The following TUBGCP5 variants were observed in gnomAD, a reference collection of about 807,000 sequenced individuals.
TUBGCP5 encodes the protein gamma-tubulin complex component 5.
TUBGCP5 carries 98 observed loss-of-function variants against 134.7 expected under a neutral mutation model. That is an observed-to-expected ratio of 0.73 (90% CI 0.62 to 0.86). TUBGCP5 has a LOEUF of 0.86. Among genes scored for constraint, TUBGCP5 ranks in the 40% least tolerant of loss-of-function variants. The probability of loss-of-function intolerance (pLI) is 0.00; values close to 1 mark genes in which losing one functional copy is unlikely to be tolerated. For missense variants in TUBGCP5, 1,150 were observed against 1,244.8 expected, an observed-to-expected ratio of 0.92 and a Z score of 1.15; for synonymous variants, 456 against 431.4, an observed-to-expected ratio of 1.06 and a Z score of -0.71.
At chr15:23,024,927 T>C (rs1263260713) in intron 8 of TUBGCP5, 97 bp from the exon 9 acceptor site, 20 of 703,378 alleles carry the variant, frequency 2.8e-5, no homozygotes, top group Non-Finnish European at 4.2e-5. Context: ...TGACAGGGAC[T>C]CACTTTGTCA....
At chr15:23,002,836 A>G (rs2064468700) in intron 21 of TUBGCP5, among the ~76,000 whole-genome samples, 1 of 152,124 alleles carries the variant, frequency 6.6e-6, no homozygotes, top group South Asian at 2.1e-4. Flanking sequence ...TTTAAATCAG[A>G]AGACCTCAGA....
Position 23,008,806 on chromosome 15 carries a change from C to T in TUBGCP5, c.2220G>A (p.Thr740=), listed in dbSNP as rs773176710. Residue 740 remains threonine, a synonymous_variant, in exon 16 of 23, where the codon ACG becomes ACA. Transcript: ENST00000615383. ...TTTCTCTTATTTTATCAAAAATTGA[C>T]GTGTAGAAGTCATACATGGTATCTC... ...EGGDTMYDFY[T]SIFDKIREKE... 8.1e-6 allele frequency: 13 copies of T among 1,600,596 alleles called. No homozygotes were observed. The highest frequency in any genetic ancestry group is 7.2e-5 in the Admixed American group (4 of 55,638).
At chr15:22,987,336 C>CA (rs34835716) in intron 23 of TUBGCP5, among the ~76,000 whole-genome samples, 1,311 of 125,418 alleles carry the variant, frequency 0.01, 9 homozygotes, top group Non-Finnish European at 0.014. Context: ...AACTCCATCT[C>CA]AAAAAAAAAA....
rs1053094490 is a variant in TUBGCP5, at chr15:23,013,756, G to A, written c.1757-2425C>T. On this transcript the variant is annotated intron_variant, in intron 13 of 22. Transcript: ENST00000615383. The surrounding 1 kb of genome is among the most constrained non-coding windows in gnomAD (Gnocchi z 4.5). The stretch of plus-strand genomic sequence containing the variant: ...CGCAGCTGCCTTGCCCCGGGTTAGG[G>A]GCACAAGGTGTGCCTTCCCCACCCA... 6.6e-6 allele frequency among the ~76,000 whole-genome samples: 1 copy of A among 152,162 alleles called. No individual in the cohort carries two copies. Among genetic ancestry groups the A allele is most frequent in the Admixed American group, 6.5e-5 (1 of 15,288 alleles).
intron 6 of TUBGCP5, among the ~76,000 whole-genome samples, chr15:23,028,420 C>T (rs1314326147): frequency 3.4e-5 from 5 of 147,132 alleles, no homozygotes; most frequent in African/African-American, 1.0e-4. Context: ...AAATTGAATC[C>T]GATCTAAAAA....
intron 10 of TUBGCP5, among the ~76,000 whole-genome samples, chr15:23,022,405 ATGAG>A (rs1404156515): frequency 2.6e-5 from 4 of 152,210 alleles, no homozygotes; most frequent in Non-Finnish European, 2.9e-5. Context: ...AAAAGGAATG[ATGAG>A]TGATTCTAAA....
At chr15:23,009,504 G>A (rs1312036119) in intron 15 of TUBGCP5, among the ~76,000 whole-genome samples, 3 of 152,002 alleles carry the variant, frequency 2.0e-5, no homozygotes, top group East Asian at 1.9e-4. Flanking sequence ...TCCTGATCTC[G>A]TGATCCTCCC....
chr15:23,014,277 AAC>A (rs2140487370), intron 13 of TUBGCP5, among the ~76,000 whole-genome samples: 1 of 152,332 alleles, frequency 6.6e-6, no homozygotes, highest in South Asian at 2.1e-4. Flanking sequence ...GGGTCTGAGA[AAC>A]AGTTTCAGAG....
intron 14 of TUBGCP5, among the ~76,000 whole-genome samples, 162 bp downstream of exon 14, chr15:23,010,971 G>T (rs1198011617): frequency 3.3e-5 from 5 of 150,702 alleles, no homozygotes; most frequent in Admixed American, 2.7e-4. Flanking sequence ...ACAGACTGAG[G>T]CTCCATCTCA....
chr15:22,998,705 C>T (rs777629058), downstream of TUBGCP5, among the ~76,000 whole-genome samples: 8 of 152,010 alleles, frequency 5.3e-5, no homozygotes, highest in Non-Finnish European at 1.2e-4. Context: ...ACCTCTGCCT[C>T]CTGGGTTCAA....
At chr15:23,005,668 C>T in intron 18 of TUBGCP5, 58 bp from the exon 19 acceptor site, 2 of 1,521,320 alleles carry the variant, frequency 1.3e-6, no homozygotes, top group Admixed American at 1.9e-5. Flanking sequence ...AACCCCACTG[C>T]ACCATGACGC....
intron 23 of TUBGCP5, among the ~76,000 whole-genome samples, chr15:22,990,946 A>G (rs113049996): frequency 8.9e-4 from 136 of 152,264 alleles, no homozygotes; most frequent in African/African-American, 2.8e-3. Context: ...GAGGCAAAGA[A>G]TGGCGCGGCC....
intron 6 of TUBGCP5, among the ~76,000 whole-genome samples, chr15:23,029,663 G>C (rs1200113299): frequency 6.6e-6 from 1 of 151,732 alleles, no homozygotes; most frequent in Admixed American, 6.6e-5. Context: ...GCAGGTGGAC[G>C]AGTTGAGGTC....
intron 23 of TUBGCP5, among the ~76,000 whole-genome samples, chr15:22,993,557 T>TTTTTTTTTTTTTTTTTTTA (rs2063932615): frequency 1.6e-5 from 2 of 123,260 alleles, no homozygotes; most frequent in African/African-American, 7.2e-5. Context: ...TTTTTTTTTT[T>TTTTTTTTTTTTTTTTTTTA]AATATGAGAC....
At chr15:23,008,346 A>G in intron 16 of TUBGCP5, 1 of 306,708 alleles carries the variant, frequency 3.3e-6, no homozygotes. Flanking sequence ...GGCTCACTGC[A>G]ACCTCTGCCT....
Position 23,030,881 on chromosome 15 carries a change from A to C in TUBGCP5, c.622+4T>G. ...AAATGCGAGCACCTCATAACACATA[A>C]TACCTTTCCAACTGATACAAGGATC... On this transcript the variant is annotated splice_donor_region_variant and intron_variant, in intron 6 of 22. Coordinates refer to ENST00000615383, the MANE Select transcript of TUBGCP5 (RefSeq NM_052903.6). 1 of 1,609,776 alleles carries C rather than the reference A, an allele frequency of 6.2e-7. No individual in the cohort carries two copies. Among genetic ancestry groups the C allele is most frequent in the Non-Finnish European group, 8.5e-7 (1 of 1,179,142 alleles).
intron 23 of TUBGCP5, among the ~76,000 whole-genome samples, chr15:22,991,763 CA>C (rs2063854122): frequency 6.6e-6 from 1 of 152,156 alleles, no homozygotes; most frequent in Admixed American, 6.5e-5. Flanking sequence ...GTCAGTGTTC[CA>C]AAGTGTAGAT....
chr15:22,989,309 G>A (rs189519017), intron 23 of TUBGCP5, among the ~76,000 whole-genome samples: 1 of 152,104 alleles, frequency 6.6e-6, no homozygotes, highest in Non-Finnish European at 1.5e-5. Context: ...CATTGAATCC[G>A]GCCCAGCTGG....
intron 8 of TUBGCP5, among the ~76,000 whole-genome samples, chr15:23,025,287 T>A (rs149421395): frequency 2.2e-4 from 34 of 152,286 alleles, no homozygotes; most frequent in African/African-American, 7.5e-4. Context: ...TTTCATCTGA[T>A]TACCCTAAGA....
Sources: gnomAD v4.1 joint callset for allele counts (sites outside exome capture counted in the v4.1 genomes callset) on GRCh38, gnomAD v4.1.1 for gene constraint, Gnocchi (gnomAD v3.1) non-coding constraint, MANE v1.5 for transcripts, NCBI Gene and HGNC (gene_info 2026-07-23, HGNC 2026-07-21) for gene names.